TENM4: variants seen among roughly 807,000 people sequenced by gnomAD.
TENM4 encodes the protein teneurin transmembrane protein 4, also known as teneurin-4.
Under a neutral mutation model 243.3 loss-of-function variants are expected in TENM4, and 82 were observed. That is an observed-to-expected ratio of 0.34 (90% CI 0.28 to 0.40). TENM4 has a LOEUF of 0.40. TENM4 is among the 10% of genes least tolerant of loss of function. The pLI is 1.00. For missense variants in TENM4, 3,138 were observed against 3,673.3 expected, an observed-to-expected ratio of 0.85 and a Z score of 3.77; for synonymous variants, 1,412 against 1,456.3, an observed-to-expected ratio of 0.97 and a Z score of 0.69.
intron 2 of TENM4, among the ~76,000 whole-genome samples, chr11:79,288,213 T>G (rs1856291280): frequency 6.6e-6 from 1 of 152,228 alleles, no homozygotes; most frequent in Non-Finnish European, 1.5e-5. Flanking sequence ...AACCAGCCCT[T>G]TACTTGGCTT....
In TENM4 at chr11:79,124,633, G is replaced by GTATA. The variant is rs546461958; in HGVS notation, c.-66+24073_-66+24076dup. 6.6e-3 allele frequency among the ~76,000 whole-genome samples: 835 copies of GTATA among 126,602 alleles called. 24 individuals carry two copies. The highest frequency in any genetic ancestry group is 7.9e-3 in the Non-Finnish European group (468 of 59,390). The allele number at this position is 126,602 out of a possible 152,430, so 83.1% of individuals were successfully genotyped here. A position where few individuals can be genotyped will look rare whatever the true frequency, so the allele number is the denominator to read the frequency against. ...TGTGTATATATACATACATATGCAC[G>GTATA]TATATATATATATGTGTGTGTGTGT... On this transcript the variant is annotated intron_variant, in intron 4 of 33. Transcript: ENST00000278550.
chr11:79,077,210 G>C (rs1860554678), intron 4 of TENM4, among the ~76,000 whole-genome samples: 1 of 152,168 alleles, frequency 6.6e-6, no homozygotes, highest in African/African-American at 2.4e-5. Flanking sequence ...GGACAAGACA[G>C]ATGTGCTTCT....
intron 29 of TENM4, among the ~76,000 whole-genome samples, chr11:78,685,290 C>G (rs1858638623): frequency 6.6e-6 from 1 of 152,188 alleles, no homozygotes; most frequent in Non-Finnish European, 1.5e-5. Context: ...AAGGCCGCTG[C>G]TCATTAGCAG....
At chr11:79,259,500 T>C (rs1855756013) in intron 2 of TENM4, among the ~76,000 whole-genome samples, 1 of 147,832 alleles carries the variant, frequency 6.8e-6, no homozygotes, top group Non-Finnish European at 1.5e-5. Context: ...CATCTATCCA[T>C]GCATCCATCC....
intron 1 of TENM4, among the ~76,000 whole-genome samples, chr11:79,347,759 CT>C (rs1190364280): frequency 1.4e-5 from 2 of 145,620 alleles, no homozygotes; most frequent in South Asian, 2.2e-4. Context: ...TATCTATCCT[CT>C]CCTTTTTTTT....
chr11:78,945,653 C>T (rs1482849482), intron 6 of TENM4, among the ~76,000 whole-genome samples: 1 of 152,078 alleles, frequency 6.6e-6, no homozygotes, highest in Non-Finnish European at 1.5e-5. Context: ...GTCTCTTGAG[C>T]CAAAGAGTTA....
intron 6 of TENM4, among the ~76,000 whole-genome samples, chr11:78,967,058 A>G (rs1857452841): frequency 6.6e-6 from 1 of 151,778 alleles, no homozygotes; most frequent in South Asian, 2.1e-4. Context: ...ACCACCCTAT[A>G]TGTCTCTTAG....
chr11:78,722,672 G>A lies in TENM4; in HGVS notation c.3796C>T (p.Leu1266=). ...PSGNVTNILE[L]RNKDFRHSHS... ...AGAAAGCATCACCTTACATACCTCA[G>A]CTCTAGGATGTTGGTGACATTTCCA... The change falls in exon 24 of 34, where the codon CTG becomes TTG. Residue 1266 remains leucine (L), a synonymous_variant. Coordinates refer to ENST00000278550, the MANE Select transcript of TENM4 (RefSeq NM_001098816.3). The A allele has an allele frequency of 6.2e-7, 1 of 1,612,984 alleles. No homozygotes were observed.
At chr11:78,848,824 G>A (rs73498585) in intron 12 of TENM4, among the ~76,000 whole-genome samples, 1 of 124,640 alleles carries the variant, frequency 8.0e-6, no homozygotes, top group South Asian at 2.4e-4. Context: ...ATAATGGAAA[G>A]CAAAGAGGAA....
chr11:79,199,244 C>G (rs1178175708), intron 3 of TENM4, among the ~76,000 whole-genome samples: 1 of 152,164 alleles, frequency 6.6e-6, no homozygotes, highest in South Asian at 2.1e-4. Context: ...GATAATACTA[C>G]CTACTTCAAA....
At chr11:78,973,768 A>AATG (rs1273361624) in intron 6 of TENM4, among the ~76,000 whole-genome samples, 1 of 151,464 alleles carries the variant, frequency 6.6e-6, no homozygotes, top group Non-Finnish European at 1.5e-5. Context: ...CATTAAATAT[A>AATG]ATGGCAAAAA....
At chr11:79,089,630 T>C (rs1011870664) in intron 4 of TENM4, among the ~76,000 whole-genome samples, 2 of 152,114 alleles carry the variant, frequency 1.3e-5, no homozygotes, top group African/African-American at 4.8e-5. Flanking sequence ...AGTGAGCGAA[T>C]AGCAAGTAGT....
chr11:79,363,055 A>C (rs1857618130), intron 1 of TENM4, among the ~76,000 whole-genome samples: 1 of 151,908 alleles, frequency 6.6e-6, no homozygotes, highest in African/African-American at 2.4e-5. Flanking sequence ...GTGGATTGCA[A>C]CTCCTGATAT....
chr11:79,290,530 T>C lies in TENM4; in HGVS notation c.-265+6958A>G, dbSNP rs1007960617. 2.6e-5 allele frequency among the ~76,000 whole-genome samples: 4 copies of C among 152,070 alleles called. No homozygotes were observed. In the East Asian group the frequency reaches 7.8e-4, roughly 30 times the overall value. Reference sequence around the variant, plus strand: ...TTCTTAGAAATCAGTGTGTGATTTCTAGAAAACAATGGAAGTGGCTTGGGA... The same window carrying C: ...TTCTTAGAAATCAGTGTGTGATTTCCAGAAAACAATGGAAGTGGCTTGGGA... On this transcript the variant is annotated intron_variant, in intron 2 of 33. Coordinates refer to ENST00000278550, the MANE Select transcript of TENM4 (RefSeq NM_001098816.3).
chr11:78,707,114 G>T (rs1399165603), intron 27 of TENM4, among the ~76,000 whole-genome samples: 4 of 152,362 alleles, frequency 2.6e-5, no homozygotes, highest in Middle Eastern at 3.4e-3. Flanking sequence ...CTGGAAGCAG[G>T]TGACACAGTC....
chr11:78,690,869 T>C (rs764026485), intron 28 of TENM4, among the ~76,000 whole-genome samples: 14 of 152,236 alleles, frequency 9.2e-5, no homozygotes, highest in Non-Finnish European at 1.6e-4. Flanking sequence ...GTAATCCCTG[T>C]ACATACTCTT....
At chr11:78,816,254 A>G (rs1857603222) in intron 12 of TENM4, among the ~76,000 whole-genome samples, 1 of 152,236 alleles carries the variant, frequency 6.6e-6, no homozygotes, top group Non-Finnish European at 1.5e-5. Flanking sequence ...CTATGGAGAT[A>G]CCTAGGTAGA....
At chr11:78,667,283 G>A (rs1302178436) in intron 32 of TENM4, among the ~76,000 whole-genome samples, 3 of 152,122 alleles carry the variant, frequency 2.0e-5, no homozygotes, top group Admixed American at 6.5e-5. Context: ...TGGGATGCCT[G>A]CTCTCAATGT....
chr11:79,196,967 C>T (rs752906097), intron 3 of TENM4, among the ~76,000 whole-genome samples: 25 of 152,184 alleles, frequency 1.6e-4, no homozygotes, highest in African/African-American at 3.1e-4. Context: ...CAGCAGATGG[C>T]GCCTGGTCAT....
Sources: gnomAD v4.1 joint callset for allele counts (sites outside exome capture counted in the v4.1 genomes callset) on GRCh38, gnomAD v4.1.1 for gene constraint, MANE v1.5 for transcripts, NCBI Gene and HGNC (gene_info 2026-07-23, HGNC 2026-07-21) for gene names.